Variants in CWC22 observed in about 807,000 individuals in gnomAD.
The protein encoded by CWC22 is pre-mRNA-splicing factor CWC22 homolog.
CWC22 carries 53 observed loss-of-function variants against 117.2 expected under a neutral mutation model. The observed-to-expected ratio is 0.45, with a 90% confidence interval of 0.36 to 0.57. CWC22 has a LOEUF of 0.57. CWC22 is among the 20% of genes least tolerant of loss of function. The probability of loss-of-function intolerance (pLI) is 0.00; values close to 1 mark genes in which losing one functional copy is unlikely to be tolerated. For missense variants in CWC22, 980 were observed against 1,068.8 expected (o/e 0.92, Z 1.16); for synonymous variants, 360 against 355.6 (o/e 1.01, Z -0.14).
chr2:179,947,598 T>C (rs1406072166), intron 19 of CWC22, among the ~76,000 whole-genome samples: 2 of 152,236 alleles, frequency 1.3e-5, no homozygotes, highest in Non-Finnish European at 2.9e-5. Flanking sequence ...TTATCATCTG[T>C]TCTCAAAATG....
intron 6 of CWC22, among the ~76,000 whole-genome samples, chr2:179,975,174 C>T (rs1337390576): frequency 6.6e-6 from 1 of 152,142 alleles, no homozygotes; most frequent in Non-Finnish European, 1.5e-5. Flanking sequence ...TTAAATATCA[C>T]CAATTGCTTA....
chr2:179,965,100 C>A (rs1686855459), intron 12 of CWC22, among the ~76,000 whole-genome samples: 3 of 151,956 alleles, frequency 2.0e-5, no homozygotes, highest in African/African-American at 4.8e-5. Context: ...GAAAACTTTC[C>A]TTATAAACAT....
intron 1 of CWC22, among the ~76,000 whole-genome samples, chr2:180,006,090 G>C (rs956839934): frequency 2.6e-5 from 4 of 152,124 alleles, no homozygotes; most frequent in African/African-American, 9.7e-5. Flanking sequence ...CCTAAAACAA[G>C]GTAAGTCTAA....
chr2:179,946,875 G>A (rs1686320221), intron 19 of CWC22, among the ~76,000 whole-genome samples: 1 of 152,124 alleles, frequency 6.6e-6, no homozygotes, highest in Non-Finnish European at 1.5e-5. Flanking sequence ...GAGCAGATAT[G>A]TTAAGATTTA....
At chr2:179,973,845 A>G (rs750368433) in intron 6 of CWC22, 43 bp from the exon 7 acceptor site, 12 of 1,181,972 alleles carry the variant, frequency 1.0e-5, no homozygotes, top group Non-Finnish European at 2.3e-6. Context: ...AATAATCACC[A>G]AATTAATTAA....
chr2:179,973,051 G>A, intron 8 of CWC22, 142 bp downstream of exon 8: 2 of 415,130 alleles, frequency 4.8e-6, no homozygotes, highest in Non-Finnish European at 8.8e-6. Flanking sequence ...ATTTATTATA[G>A]TTTTAAAATG....
In CWC22 at chr2:179,945,349, T is replaced by C. The variant is rs574337609; in HGVS notation, c.2507A>G (p.His836Arg). 4.5e-5 allele frequency: 72 copies of C among 1,612,794 alleles called. No homozygotes were observed. In the South Asian group the frequency reaches 6.3e-4, roughly 14 times the overall value. Residue 836 changes from histidine to arginine, a missense_variant, in exon 20 of 20, where the codon CAT becomes CGT. By Grantham distance (29) the His-to-Arg change is conservative. Coordinates refer to ENST00000410053, the MANE Select transcript of CWC22 (RefSeq NM_020943.3). The part of the protein sequence containing the change: ...RRNSFSENEK[H>R]THRIKDSENF... The stretch of plus-strand genomic sequence containing the variant: ...TTCACTGTCTTTAATTCGGTGTGTA[T>C]GCTTCTCATTTTCAGAAAAAGAATT...
intron 4 of CWC22, among the ~76,000 whole-genome samples, chr2:179,984,734 A>C (rs893087788): frequency 2.0e-5 from 3 of 152,096 alleles, no homozygotes; most frequent in African/African-American, 7.2e-5. Flanking sequence ...AAAGATGTCT[A>C]TGAAGGGATA....
chr2:179,946,134 C>T (rs914171536), intron 19 of CWC22, among the ~76,000 whole-genome samples: 38 of 152,072 alleles, frequency 2.5e-4, no homozygotes, highest in African/African-American at 8.5e-4. Context: ...CTGCCTGCCT[C>T]GGCCTTTTAA....
chr2:179,950,065 T>A (rs1686405932), intron 19 of CWC22, among the ~76,000 whole-genome samples: 1 of 152,190 alleles, frequency 6.6e-6, no homozygotes, highest in Admixed American at 6.6e-5. Flanking sequence ...TTGATTTGTG[T>A]GCTAGCTATG....
chr2:179,951,251 C>T (rs1049818950), intron 17 of CWC22, among the ~76,000 whole-genome samples: 10 of 151,690 alleles, frequency 6.6e-5, no homozygotes, highest in Admixed American at 4.6e-4. Context: ...TATACACACA[C>T]GTATATATAG....
chr2:179,995,862 T>C (rs1687685632), intron 1 of CWC22, among the ~76,000 whole-genome samples: 1 of 152,236 alleles, frequency 6.6e-6, no homozygotes. Context: ...CATTCTCATT[T>C]GAAGAACAAG....
chr2:179,988,511 C>T (rs1052377262), intron 3 of CWC22, 66 bp downstream of exon 3: 1 of 841,292 alleles, frequency 1.2e-6, no homozygotes, highest in Non-Finnish European at 1.9e-6. Flanking sequence ...AATCTAAGAG[C>T]TAAATTATTA....
intron 18 of CWC22, 24 bp downstream of exon 18, chr2:179,950,801 A>T (rs2304858): frequency 0.68 from 1,088,455 of 1,598,204 alleles, 375,079 homozygotes; most frequent in Middle Eastern, 0.73. Context: ...TAATCTGAAC[A>T]TAAATTCTGA....
intron 5 of CWC22, among the ~76,000 whole-genome samples, chr2:179,979,822 T>G (rs991707449): frequency 6.6e-6 from 1 of 152,176 alleles, no homozygotes; most frequent in Admixed American, 6.5e-5. Context: ...AAGATGTTGC[T>G]CATATACAAT....
At chr2:179,963,444 G>A (rs1192773172) in intron 13 of CWC22, among the ~76,000 whole-genome samples, 7 of 131,064 alleles carry the variant, frequency 5.3e-5, no homozygotes, top group Non-Finnish European at 4.6e-5. Flanking sequence ...CCAGGTTCAC[G>A]CCATTCTCCT....
In CWC22 at chr2:179,950,650, G is replaced by C. The variant is rs1362465495; in HGVS notation, c.2002C>G (p.Pro668Ala). ...GAGGACGCTGAAGAGGAAGAGGATG[G>C]GGAGGATTTATTTTGCTCAACATCT... ...KPDVEQNKSS[P>A]SSSSSASSSS... is the part of the protein sequence containing the mutation. Residue 668 changes from proline to alanine, a missense_variant, in exon 19 of 20, where the codon CCA (proline) becomes GCA (alanine). Around this residue, in one of 3 missense-constraint regions of CWC22, gnomAD observed 306 missense variants for 296.8 expected, o/e 1.03. Transcript: ENST00000410053. 1 of 1,613,552 alleles carries C rather than the reference G, an allele frequency of 6.2e-7. No individual in the cohort carries two copies.
At chr2:179,986,362 C>A (rs1480350854) in intron 4 of CWC22, among the ~76,000 whole-genome samples, 1 of 152,094 alleles carries the variant, frequency 6.6e-6, no homozygotes, top group Non-Finnish European at 1.5e-5. Flanking sequence ...ATCACATAAA[C>A]CAACCCCTCT....
At chr2:179,954,799 G>A (rs576529322) in intron 15 of CWC22, among the ~76,000 whole-genome samples, 158 bp downstream of exon 15, 3 of 152,200 alleles carry the variant, frequency 2.0e-5, no homozygotes, top group African/African-American at 7.2e-5. Context: ...AGTAGAAAAA[G>A]AGGAAGGTGA....
Sources: allele counts gnomAD v4.1 joint callset (sites outside exome capture counted in the v4.1 genomes callset), GRCh38; gene constraint gnomAD v4.1.1; regional missense constraint gnomAD v4.1.1; transcripts MANE v1.5; gene names NCBI Gene and HGNC (gene_info 2026-07-23, HGNC 2026-07-21).